Variants in DNAJC5G observed in about 807,000 individuals in gnomAD.
DNAJC5G encodes DnaJ heat shock protein family (Hsp40) member C5 gamma.
In DNAJC5G, 13 loss-of-function variants were observed where a neutral mutation model predicts 19.1. The observed-to-expected ratio is 0.68, with a 90% CI of 0.44 to 1.08. The LOEUF (loss-of-function observed/expected upper bound fraction) is 1.08. DNAJC5G is among the 50% of genes least tolerant of loss of function. The probability of loss-of-function intolerance (pLI) is 0.00; values close to 1 mark genes in which losing one functional copy is unlikely to be tolerated. For synonymous variants in DNAJC5G, 81 were observed against 84.4 expected, an observed-to-expected ratio of 0.96 and a Z score of 0.22; for missense variants, 245 against 230.4, an observed-to-expected ratio of 1.06 and a Z score of -0.41.
intron 2 of DNAJC5G, 41 bp from the exon 3 acceptor site, chr2:27,276,685 T>C: frequency 6.3e-7 from 1 of 1,593,260 alleles, no homozygotes; most frequent in South Asian, 1.1e-5. Context: ...GTACCCTTAC[T>C]TGTAGAAGTT....
chr2:27,277,062 C>G (rs1459358527), intron 3 of DNAJC5G, among the ~76,000 whole-genome samples: 1 of 152,042 alleles, frequency 6.6e-6, no homozygotes, highest in Non-Finnish European at 1.5e-5. Flanking sequence ...TCACCTCAGC[C>G]TCCTGAGAAG....
At position 27,278,206 on chromosome 2, in the gene DNAJC5G, A is replaced by C; in HGVS notation, c.394A>C (p.Thr132Pro). 1 of 1,614,098 alleles carries C rather than the reference A, an allele frequency of 6.2e-7. No homozygotes were observed. The highest frequency in any genetic ancestry group is 1.6e-4 in the Middle Eastern group (1 of 6,062). Residue 132 changes from threonine (T) to proline (P), a missense_variant, in exon 5 of 7, where the codon ACT (threonine) becomes CCT (proline). By Grantham distance (38) the Thr-to-Pro change is conservative. Coordinates refer to ENST00000296097, the MANE Select transcript of DNAJC5G (RefSeq NM_173650.3). ...CWFKTLVILCTLLTCCCFCCC... is the reference protein window; with the variant it reads ...CWFKTLVILCPLLTCCCFCCC... ...CTTTTAGACACTTGTCATCCTGTGT[A>C]CTCTGCTCACTTGTTGCTGTTTCTG...
chr2:27,275,861 T>TCCCCCCCCCCGC (rs1168900451), intron 1 of DNAJC5G: 19 of 122,580 alleles, frequency 1.6e-4, no homozygotes, highest in African/African-American at 5.7e-4. Flanking sequence ...CTGCAAGCAC[T>TCCCCCCCCCCGC]CCCCACCCCC....
Position 27,276,709 on chromosome 2 carries a change from C to T in DNAJC5G, c.-3-17C>T. 2 of 1,608,162 alleles carry T rather than the reference C, an allele frequency of 1.2e-6. No homozygotes were observed. Among genetic ancestry groups the T allele is most frequent in the Non-Finnish European group, 1.7e-6 (2 of 1,177,774 alleles). On this transcript the variant is annotated splice_polypyrimidine_tract_variant and intron_variant, in intron 2 of 6. Transcript: ENST00000296097. ...CTTGTAGAAGTTCTCACAGATGCTG[C>T]TTCTCCTCTGGCTCAGATCATGTCT...
At chr2:27,277,715 G>C (rs1228556817) in intron 3 of DNAJC5G, 39 bp from the exon 4 acceptor site, 1 of 1,611,988 alleles carries the variant, frequency 6.2e-7, no homozygotes, top group African/African-American at 1.3e-5. Flanking sequence ...ACTCTCTAGA[G>C]ACTAATCCAT....
chr2:27,277,774 A>C lies in DNAJC5G; in HGVS notation c.134A>C (p.His45Pro). The C allele has an allele frequency of 6.2e-7, 1 of 1,613,552 alleles. No homozygotes were observed. The highest frequency in any genetic ancestry group is 8.5e-7 in the Non-Finnish European group (1 of 1,179,832). ...KSYSHSALLP[H>P]PPFEYHLGRK... is the part of the protein sequence containing the mutation. ...CCCAGCCATTCCGCATTGCTTCCCCACCCTCCTTTTGAGTATCACCTGGGT... is the reference window on the plus strand; with the variant it reads ...CCCAGCCATTCCGCATTGCTTCCCCCCCCTCCTTTTGAGTATCACCTGGGT... Residue 45 changes from histidine to proline, a missense_variant, in exon 4 of 7, where the codon CAC becomes CCC. Transcript: ENST00000296097.
intron 3 of DNAJC5G, 40 bp from the exon 4 acceptor site, chr2:27,277,714 A>C (rs1342751233): frequency 1.2e-6 from 2 of 1,611,538 alleles, no homozygotes; most frequent in East Asian, 2.2e-5. Flanking sequence ...CACTCTCTAG[A>C]GACTAATCCA....
In DNAJC5G at chr2:27,280,981, CG is replaced by C. The variant is rs1678346921; in HGVS notation, c.*573del. 6.6e-6 allele frequency: 1 copy of C among 152,372 alleles called. No homozygotes were observed. Among genetic ancestry groups the C allele is most frequent in the African/African-American group, 2.4e-5 (1 of 41,450 alleles). 9.4% of individuals were successfully genotyped at this position (152,372 alleles called of 1,614,324 possible). Reference sequence around the variant, plus strand: ...AGTTGGTTTCATCTTCTGGTGCCCACGGCCATTGGCATTGCCAGCCTCATTC... The same window carrying C: ...AGTTGGTTTCATCTTCTGGTGCCCACGCCATTGGCATTGCCAGCCTCATTC... On this transcript the variant is annotated 3_prime_UTR_variant, in exon 7 of 7. Coordinates refer to ENST00000296097, the MANE Select transcript of DNAJC5G (RefSeq NM_173650.3).
At position 27,277,690 on chromosome 2, in the gene DNAJC5G, A is replaced by G. The variant is rs1356824416; in HGVS notation, c.114-64A>G. On this transcript the variant is annotated intron_variant, in intron 3 of 6. Coordinates refer to ENST00000296097, the MANE Select transcript of DNAJC5G (RefSeq NM_173650.3). The stretch of plus-strand genomic sequence containing the variant: ...GCCTCCATCCTTTGTACCACATCTC[A>G]TGCATTCCTTCTGCACTCTCTAGAG... The G allele has an allele frequency of 2.5e-6, 4 of 1,588,664 alleles. No individual in the cohort carries two copies. In the African/African-American group the frequency reaches 4.0e-5, roughly 16 times the overall value.
rs780747451 is a variant in DNAJC5G, at chr2:27,278,169, A to G, written c.376-19A>G. On this transcript the variant is annotated intron_variant, in intron 4 of 6. Transcript: ENST00000296097. ...TATAGAAAACTGCTGGACTGAGGCC[A>G]TTCTCGCCTACCTTTTAGACACTTG... is the stretch of plus-strand genomic sequence containing the variant. 3.1e-6 allele frequency: 5 copies of G among 1,614,064 alleles called. No individual in the cohort carries two copies. The Admixed American group carries it at 8.3e-5, about 27-fold the overall frequency.
Position 27,277,843 on chromosome 2 carries a change from A to G in DNAJC5G, c.203A>G (p.Asn68Ser), listed in dbSNP as rs777930417. 1.9e-6 allele frequency: 3 copies of G among 1,614,146 alleles called. No individual in the cohort carries two copies. Among genetic ancestry groups the G allele is most frequent in the Non-Finnish European group, 2.5e-6 (3 of 1,180,034 alleles). ...LRYHPDKNPGNAQAAEIFKEI... is the reference protein window; with the variant it reads ...LRYHPDKNPGSAQAAEIFKEI... ...TATCATCCCGACAAGAATCCAGGGAATGCTCAAGCAGCAGAAATATTCAAA... is the reference window on the plus strand; with the variant it reads ...TATCATCCCGACAAGAATCCAGGGAGTGCTCAAGCAGCAGAAATATTCAAA... Residue 68 changes from asparagine to serine, a missense_variant, in exon 4 of 7, where the codon AAT becomes AGT. Transcript: ENST00000296097.
Position 27,276,905 on chromosome 2 carries a change from C to T in DNAJC5G, c.113+64C>T, listed in dbSNP as rs1384017703. ...CCCTTAAACCTTTTTCTTTCTGTAT[C>T]TCTTTTGCTATCTGACTCTTTTTTT... On this transcript the variant is annotated intron_variant, in intron 3 of 6. Transcript: ENST00000296097. The T allele has an allele frequency of 1.4e-5, 15 of 1,085,850 alleles. No homozygotes were observed. In the African/African-American group the frequency reaches 1.8e-4, roughly 13 times the overall value. 67.3% of individuals were successfully genotyped at this position (1,085,850 alleles called of 1,614,324 possible).
intron 5 of DNAJC5G, among the ~76,000 whole-genome samples, chr2:27,279,432 G>C (rs936866176): frequency 6.6e-6 from 1 of 152,132 alleles, no homozygotes; most frequent in African/African-American, 2.4e-5. Flanking sequence ...AGCCTCCTGA[G>C]TAGCTGGGAT....
chr2:27,277,851 G>A lies in DNAJC5G; in HGVS notation c.211G>A (p.Ala71Thr). The A allele has an allele frequency of 6.2e-7, 1 of 1,614,166 alleles. No homozygotes were observed. Residue 71 changes from alanine to threonine, a missense_variant, in exon 4 of 7, where the codon GCA becomes ACA. Ala to Thr is a moderately conservative substitution (Grantham distance 58). Transcript: ENST00000296097. ...HPDKNPGNAQAAEIFKEINAA... is the reference protein window; with the variant it reads ...HPDKNPGNAQTAEIFKEINAA... ...CGACAAGAATCCAGGGAATGCTCAA[G>A]CAGCAGAAATATTCAAAGAGATCAA... is the stretch of plus-strand genomic sequence containing the variant.
rs2148170774 is a variant in DNAJC5G, at chr2:27,276,362, G to A, written c.-29G>A. On this transcript the variant is annotated 5_prime_UTR_variant, in exon 2 of 7. Transcript: ENST00000296097. Reference sequence around the variant, plus strand: ...TCTTTCAAACCCAGCAGTGAGCTTGGACAGACCCAGAGGTGTTTACTCCAG... The same window carrying A: ...TCTTTCAAACCCAGCAGTGAGCTTGAACAGACCCAGAGGTGTTTACTCCAG... The A allele has an allele frequency of 5.9e-6, 1 of 170,450 alleles. No individual in the cohort carries two copies. The highest frequency in any genetic ancestry group is 6.0e-5 in the Admixed American group (1 of 16,556). The allele number at this position is 170,450 out of a possible 1,614,324, so 10.6% of individuals were successfully genotyped here. A position where few individuals can be genotyped will look rare whatever the true frequency, so the allele number is the denominator to read the frequency against.
intron 1 of DNAJC5G, chr2:27,275,862 C>T (rs1490600349): frequency 2.6e-5 from 3 of 114,796 alleles, no homozygotes; most frequent in Non-Finnish European, 5.2e-5. Context: ...TGCAAGCACT[C>T]CCCACCCCCG....
In DNAJC5G at chr2:27,278,224, T is replaced by C; in HGVS notation, c.412T>C (p.Cys138Arg). The change falls in exon 5 of 7, where the codon TGT becomes CGT. Residue 138 changes from cysteine to arginine, a missense_variant. Physicochemically the swap from Cys to Arg is radical, Grantham distance 180 (BLOSUM62 -3). Transcript: ENST00000296097. The stretch of plus-strand genomic sequence containing the variant: ...CCTGTGTACTCTGCTCACTTGTTGC[T>C]GTTTCTGTTGTTGCTGCTGTTTTTG... ...VILCTLLTCC[C>R]FCCCCCFCCG... 6.2e-7 allele frequency: 1 copy of C among 1,614,198 alleles called. No individual in the cohort carries two copies. Among genetic ancestry groups the C allele is most frequent in the Non-Finnish European group, 8.5e-7 (1 of 1,180,026 alleles).
intron 4 of DNAJC5G, 54 bp downstream of exon 4, chr2:27,278,069 TC>T: frequency 6.2e-7 from 1 of 1,607,508 alleles, no homozygotes; most frequent in Non-Finnish European, 8.5e-7. Flanking sequence ...GACCTTCCTT[TC>T]CTTATGACAA....
chr2:27,280,207 G>T lies in DNAJC5G; in HGVS notation c.562G>T (p.Asp188Tyr). The change falls in exon 6 of 7, where the codon GAT (aspartate) becomes TAT (tyrosine). Residue 188 changes from aspartate to tyrosine, a missense_variant. By Grantham distance (160) the Asp-to-Tyr change is radical (BLOSUM62 -3). Transcript: ENST00000296097. ...DFRSEENSEDDF is the reference protein window; with the variant it reads ...DFRSEENSEDYF ...TAGAAGCGAGGAAAATAGCGAAGAT[G>T]ATTTTTAAGAGATGAAGAAGGATGA... 3 of 1,614,024 alleles carry T rather than the reference G, an allele frequency of 1.9e-6. No homozygotes were observed. Among genetic ancestry groups the T allele is most frequent in the Non-Finnish European group, 1.7e-6 (2 of 1,179,964 alleles).
Sources: allele counts gnomAD v4.1 joint callset (sites outside exome capture counted in the v4.1 genomes callset), GRCh38; gene constraint gnomAD v4.1.1; transcripts MANE v1.5; gene names NCBI Gene and HGNC (gene_info 2026-07-23, HGNC 2026-07-21).